RIT2: variants seen among roughly 807,000 people sequenced by gnomAD.
The protein encoded by RIT2 is Ras like without CAAX 2, also known as GTP-binding protein Rit2.
Under a neutral mutation model 23.7 loss-of-function variants are expected in RIT2, and 24 were observed. The ratio of observed to expected loss-of-function variants is 1.01; its 90% confidence interval spans 0.73 to 1.43. The LOEUF is 1.43. Ranked by LOEUF, RIT2 falls within the 40% of genes most tolerant of loss-of-function variation. RIT2 has a pLI of 0.00. For synonymous variants in RIT2, 107 were observed against 91.1 expected, an observed-to-expected ratio of 1.17 and a Z score of -0.99; for missense variants, 236 against 266.9, an observed-to-expected ratio of 0.88 and a Z score of 0.81.
chr18:42,931,048 CTTTT>C lies in RIT2; in HGVS notation c.235-7289_235-7286del, dbSNP rs971614438. Among the ~76,000 whole-genome samples the C allele has an allele frequency of 3.1e-4, 47 of 152,158 alleles. 1 individual carries two copies. Among genetic ancestry groups the C allele is most frequent in the Non-Finnish European group, 8.8e-5 (6 of 67,984 alleles). On this transcript the variant is annotated intron_variant, in intron 3 of 4. Coordinates refer to ENST00000326695, the MANE Select transcript of RIT2 (RefSeq NM_002930.4). Reference sequence around the variant, plus strand: ...CAGATTTTGGCACTTATGCCTCTTTCTTTTATTGTAATTACGTGTGTTTTACTCT... The same window carrying C: ...CAGATTTTGGCACTTATGCCTCTTTCATTGTAATTACGTGTGTTTTACTCT...
intron 4 of RIT2, among the ~76,000 whole-genome samples, chr18:42,792,515 T>C (rs1157959504): frequency 6.6e-6 from 1 of 152,200 alleles, no homozygotes; most frequent in East Asian, 1.9e-4. Context: ...AGTAGCCAAT[T>C]TTCACTTCCA....
intron 1 of RIT2, among the ~76,000 whole-genome samples, chr18:43,113,668 G>T (rs186790634): frequency 3.3e-5 from 5 of 152,094 alleles, no homozygotes; most frequent in African/African-American, 1.2e-4. Context: ...GGATGTTCCC[G>T]TCCAAAATCT....
At chr18:42,906,617 C>T (rs1005917583) in intron 4 of RIT2, among the ~76,000 whole-genome samples, 3 of 152,146 alleles carry the variant, frequency 2.0e-5, no homozygotes, top group Admixed American at 2.0e-4. Context: ...TATCCAGCTT[C>T]TGTCCTGCTG....
At chr18:43,033,922 G>C in intron 1 of RIT2, 55 bp from the exon 2 acceptor site, 1 of 1,214,376 alleles carries the variant, frequency 8.2e-7, no homozygotes, top group African/African-American at 1.5e-5. Flanking sequence ...TCATCAATAA[G>C]TTATTTACCA....
At chr18:43,092,838 C>T (rs62090496) in intron 1 of RIT2, among the ~76,000 whole-genome samples, 20,959 of 151,890 alleles carry the variant, frequency 0.14, 1,521 homozygotes, top group South Asian at 0.23. Context: ...GTTCTATAAA[C>T]GGTCTCTTAT....
intron 4 of RIT2, among the ~76,000 whole-genome samples, chr18:42,875,763 T>C (rs986648082): frequency 7.2e-5 from 11 of 152,188 alleles, no homozygotes; most frequent in Admixed American, 3.9e-4. Context: ...CCCAAATCTT[T>C]CTATCCTGTG....
rs549831083 is a variant in RIT2, at chr18:43,092,326, G to GT, written c.103+23090dup. Among the ~76,000 whole-genome samples the GT allele has an allele frequency of 1.1e-3, 165 of 152,186 alleles. 1 individual carries two copies. Among genetic ancestry groups the GT allele is most frequent in the African/African-American group, 3.7e-3 (155 of 41,554 alleles). ...TTGCAATAGCCAAAATCAAAGATTTGTTTTTTCCTTTTAAAAATGGAGTAA... is the reference window on the plus strand; with the variant it reads ...TTGCAATAGCCAAAATCAAAGATTTGTTTTTTTCCTTTTAAAAATGGAGTAA... On this transcript the variant is annotated intron_variant, in intron 1 of 4. Coordinates refer to ENST00000326695, the MANE Select transcript of RIT2 (RefSeq NM_002930.4).
chr18:43,002,532 C>A (rs538458994), intron 2 of RIT2, among the ~76,000 whole-genome samples: 1 of 9,100 alleles, frequency 1.1e-4, no homozygotes, highest in Admixed American at 3.4e-3. Flanking sequence ...CCACCCTCTA[C>A]CTAAGCTAAA....
intron 2 of RIT2, among the ~76,000 whole-genome samples, chr18:43,022,593 A>C (rs1227607627): frequency 6.6e-6 from 1 of 152,078 alleles, no homozygotes; most frequent in Admixed American, 6.6e-5. Context: ...ATTATGCATC[A>C]ATAAAATATT....
At chr18:42,885,628 A>G (rs536370597) in intron 4 of RIT2, among the ~76,000 whole-genome samples, 1 of 152,274 alleles carries the variant, frequency 6.6e-6, no homozygotes, top group South Asian at 2.1e-4. Flanking sequence ...AATATATTGG[A>G]AATAGTACAA....
intron 3 of RIT2, among the ~76,000 whole-genome samples, chr18:42,942,660 T>A (rs1909632506): frequency 6.6e-6 from 1 of 152,046 alleles, no homozygotes; most frequent in African/African-American, 2.4e-5. Context: ...AGGTGAACTG[T>A]TAGGTTTAAA....
At chr18:43,017,914 G>C (rs904361613) in intron 2 of RIT2, among the ~76,000 whole-genome samples, 7 of 152,040 alleles carry the variant, frequency 4.6e-5, no homozygotes, top group Non-Finnish European at 1.0e-4. Context: ...CAGTGAATCA[G>C]TAATTTTGGT....
intron 1 of RIT2, among the ~76,000 whole-genome samples, chr18:43,066,532 A>G (rs972341410): frequency 1.3e-5 from 2 of 152,224 alleles, no homozygotes; most frequent in African/African-American, 4.8e-5. Context: ...CAACTAGCAT[A>G]TAGATAAGGC....
At chr18:43,034,332 T>C (rs1911927214) in intron 1 of RIT2, among the ~76,000 whole-genome samples, 1 of 152,186 alleles carries the variant, frequency 6.6e-6, no homozygotes, top group African/African-American at 2.4e-5. Context: ...AATTACATTA[T>C]TTTTGTCTTT....
chr18:42,980,953 T>G (rs1291803775), intron 2 of RIT2, among the ~76,000 whole-genome samples: 1 of 152,142 alleles, frequency 6.6e-6, no homozygotes, highest in Non-Finnish European at 1.5e-5. Flanking sequence ...AGAAAATGCT[T>G]CAGTGTGTCT....
At chr18:42,971,304 TCATCA>T (rs1910356667) in intron 3 of RIT2, among the ~76,000 whole-genome samples, 1 of 152,024 alleles carries the variant, frequency 6.6e-6, no homozygotes, top group Non-Finnish European at 1.5e-5. Flanking sequence ...AGCCAACATT[TCATCA>T]TCTGTTTAGC....
At chr18:42,907,081 T>C (rs1177846610) in intron 4 of RIT2, among the ~76,000 whole-genome samples, 2 of 152,218 alleles carry the variant, frequency 1.3e-5, no homozygotes, top group African/African-American at 4.8e-5. Flanking sequence ...AAATTATGTC[T>C]GTATCTACTG....
At chr18:42,935,925 T>A (rs992933357) in intron 3 of RIT2, among the ~76,000 whole-genome samples, 2 of 151,894 alleles carry the variant, frequency 1.3e-5, no homozygotes, top group African/African-American at 4.8e-5. Flanking sequence ...CAGAGTGGAT[T>A]TGGCGCCCTA....
intron 4 of RIT2, among the ~76,000 whole-genome samples, chr18:42,860,823 G>A (rs936470519): frequency 3.3e-5 from 5 of 152,148 alleles, no homozygotes; most frequent in African/African-American, 1.2e-4. Context: ...ATTCTGCACA[G>A]CCATGTTCCT....
Sources: allele counts gnomAD v4.1 joint callset (sites outside exome capture counted in the v4.1 genomes callset), GRCh38; gene constraint gnomAD v4.1.1; transcripts MANE v1.5; gene names NCBI Gene and HGNC (gene_info 2026-07-23, HGNC 2026-07-21).